TRPM3: variants seen among roughly 807,000 people sequenced by gnomAD.
The protein encoded by TRPM3 is transient receptor potential cation channel subfamily M member 3.
A neutral mutation model predicts 181.2 loss-of-function variants in TRPM3; 77 were observed. The observed-to-expected ratio is 0.42, with a 90% CI of 0.35 to 0.51. The LOEUF is 0.51. TRPM3 is among the 20% of genes least tolerant of loss of function. TRPM3 has a pLI of 0.01. For missense variants in TRPM3, 1,759 were observed against 2,196.7 expected (o/e 0.80, Z 3.98); for synonymous variants, 745 against 796.4 (o/e 0.94, Z 1.09).
intron 6 of TRPM3, among the ~76,000 whole-genome samples, chr9:70,808,287 C>A (rs2091140999): frequency 6.6e-6 from 1 of 152,190 alleles, no homozygotes. Context: ...GCTCAAAATT[C>A]TTCCCTGAAT....
chr9:71,317,640 CA>C (rs58631084), intron 1 of TRPM3, among the ~76,000 whole-genome samples: 22,300 of 126,196 alleles, frequency 0.18, 1,869 homozygotes, highest in Admixed American at 0.25. Flanking sequence ...GACCCTCTCT[CA>C]AAAAAAAAAA....
At chr9:71,110,965 G>A (rs1034014546) in intron 1 of TRPM3, among the ~76,000 whole-genome samples, 1 of 152,080 alleles carries the variant, frequency 6.6e-6, no homozygotes, top group African/African-American at 2.4e-5. Context: ...ATATTGCATT[G>A]TTCTTAAGCA....
Position 70,603,242 on chromosome 9 carries a change from C to T in TRPM3, c.2796+100G>A, listed in dbSNP as rs117423909. The T allele has an allele frequency of 2.1e-4, 299 of 1,415,252 alleles. 1 individual carries two copies. In the East Asian group the frequency reaches 5.5e-3, roughly 26 times the overall value. The allele number at this position is 1,415,252 out of a possible 1,614,324, so 87.7% of individuals were successfully genotyped here. On this transcript the variant is annotated intron_variant, in intron 20 of 25. Transcript: ENST00000677713. Reference sequence around the variant, plus strand: ...TGGTAGAGTTAGAGAAAACAGTTTCCGGCTTAATTTGCATCCCAGGCATCT... The same window carrying T: ...TGGTAGAGTTAGAGAAAACAGTTTCTGGCTTAATTTGCATCCCAGGCATCT...
In TRPM3 at chr9:71,423,247, TA is replaced by T. The variant is rs369358869; in HGVS notation, c.183+23405del. On this transcript the variant is annotated intron_variant, in intron 1 of 24. Coordinates refer to the TRPM3 transcript ENST00000357533. ...AGATAACTTTAGACTGAAAACATTATAAGAAATAGGAAAGATCCACTAAAAG... is the reference window on the plus strand; with the variant it reads ...AGATAACTTTAGACTGAAAACATTATAGAAATAGGAAAGATCCACTAAAAG... Among the ~76,000 whole-genome samples the T allele has an allele frequency of 1.7e-3, 258 of 152,216 alleles. 1 individual carries two copies. Among genetic ancestry groups the T allele is most frequent in the African/African-American group, 5.7e-3 (236 of 41,562 alleles).
chr9:70,796,624 G>A (rs13299941), intron 6 of TRPM3, among the ~76,000 whole-genome samples: 9,962 of 152,184 alleles, frequency 0.065, 409 homozygotes, highest in Non-Finnish European at 0.097. Context: ...CAACTATGAT[G>A]GTATTAAAGA....
chr9:71,290,981 G>T (rs1416928357), intron 1 of TRPM3, among the ~76,000 whole-genome samples: 1 of 151,930 alleles, frequency 6.6e-6, no homozygotes, highest in South Asian at 2.1e-4. Context: ...CAATGTAAAT[G>T]AACTAAACTC....
chr9:70,857,394 G>C (rs573913729), intron 3 of TRPM3, among the ~76,000 whole-genome samples: 1 of 152,106 alleles, frequency 6.6e-6, no homozygotes, highest in Non-Finnish European at 1.5e-5. Flanking sequence ...CAAAGTACTC[G>C]AAAAGGCACA....
intron 22 of TRPM3, among the ~76,000 whole-genome samples, chr9:70,553,720 C>G (rs1342647420): frequency 6.6e-6 from 1 of 152,222 alleles, no homozygotes; most frequent in Non-Finnish European, 1.5e-5. Context: ...TAGAGGCTGT[C>G]AGCCTGACAG....
At chr9:70,983,603 G>A (rs2097387577) in intron 1 of TRPM3, among the ~76,000 whole-genome samples, 3 of 152,194 alleles carry the variant, frequency 2.0e-5, no homozygotes, top group South Asian at 4.1e-4. Context: ...AGACTTGTGG[G>A]CAGGCAGAGG....
intron 9 of TRPM3, among the ~76,000 whole-genome samples, chr9:70,647,716 T>G (rs1310671160): frequency 1.3e-5 from 2 of 151,970 alleles, no homozygotes; most frequent in Non-Finnish European, 2.9e-5. Flanking sequence ...AAGAAGGAAA[T>G]AAAAGGCATC....
chr9:71,003,238 C>T (rs557143317), intron 1 of TRPM3, among the ~76,000 whole-genome samples: 128 of 149,482 alleles, frequency 8.6e-4, no homozygotes, highest in Non-Finnish European at 1.5e-3. Context: ...CTGTAAATCA[C>T]TGCATAGCAG....
intron 1 of TRPM3, among the ~76,000 whole-genome samples, chr9:71,250,103 A>C (rs1481505272): frequency 6.6e-6 from 1 of 152,226 alleles, no homozygotes; most frequent in Non-Finnish European, 1.5e-5. Context: ...CAGACTCATA[A>C]GGAATCATAA....
At chr9:71,446,262 A>G (rs986548796) in intron 1 of TRPM3, among the ~76,000 whole-genome samples, 1 of 152,188 alleles carries the variant, frequency 6.6e-6, no homozygotes, top group Admixed American at 6.5e-5. Context: ...TTCCGCCCTC[A>G]TTCAGCGGAG....
chr9:70,831,973 A>ATT (rs1564496778), intron 5 of TRPM3, among the ~76,000 whole-genome samples: 7 of 74,608 alleles, frequency 9.4e-5, no homozygotes, highest in African/African-American at 3.4e-4. Context: ...ATATATATAT[A>ATT]TATATATATA....
intron 7 of TRPM3, 147 bp downstream of exon 7, chr9:70,783,958 C>T (rs1448031398): frequency 7.0e-7 from 1 of 1,429,262 alleles, no homozygotes; most frequent in Non-Finnish European, 9.2e-7. Context: ...CACCACAGCC[C>T]TCCCATGACA....
At chr9:71,093,068 T>G (rs2066492032) in intron 1 of TRPM3, among the ~76,000 whole-genome samples, 1 of 152,120 alleles carries the variant, frequency 6.6e-6, no homozygotes, top group Non-Finnish European at 1.5e-5. Flanking sequence ...TTCTTACACT[T>G]TATACAAAAA....
At chr9:71,399,708 G>GT (rs2093296777) in intron 1 of TRPM3, among the ~76,000 whole-genome samples, 1 of 151,028 alleles carries the variant, frequency 6.6e-6, no homozygotes, top group Non-Finnish European at 1.5e-5. Flanking sequence ...TTTTTTTGTA[G>GT]TTTTAGTAGC....
intron 1 of TRPM3, among the ~76,000 whole-genome samples, chr9:71,423,130 T>C (rs2093806768): frequency 6.6e-6 from 1 of 152,118 alleles, no homozygotes; most frequent in Non-Finnish European, 1.5e-5. Flanking sequence ...TTCTGGAGTT[T>C]TTCTTTTCAC....
chr9:70,960,378 G>A (rs1220252007), intron 1 of TRPM3, among the ~76,000 whole-genome samples: 1 of 152,116 alleles, frequency 6.6e-6, no homozygotes, highest in African/African-American at 2.4e-5. Context: ...ATGGAAAAAG[G>A]TCTCTCTGAA....
Sources: allele counts gnomAD v4.1 joint callset (sites outside exome capture counted in the v4.1 genomes callset), GRCh38; gene constraint gnomAD v4.1.1; transcripts MANE v1.5; gene names NCBI Gene and HGNC (gene_info 2026-07-23, HGNC 2026-07-21).